The following ZNF37A variants were observed in gnomAD, a reference collection of about 807,000 sequenced individuals.
ZNF37A encodes the protein zinc finger protein 37a (KOX 21).
A neutral mutation model predicts 12.3 loss-of-function variants in ZNF37A; 10 were observed. That is an observed-to-expected ratio of 0.82 (90% CI 0.50 to 1.38). The LOEUF (loss-of-function observed/expected upper bound fraction) is 1.38. Ranked by LOEUF, ZNF37A falls within the 40% of genes most tolerant of loss-of-function variation. ZNF37A has a pLI of 0.00. For synonymous variants in ZNF37A, 207 were observed against 223.0 expected, an observed-to-expected ratio of 0.93 and a Z score of 0.64; for missense variants, 580 against 651.2, an observed-to-expected ratio of 0.89 and a Z score of 1.19.
chr10:38,105,295 G>A (rs117237085), intron 5 of ZNF37A, among the ~76,000 whole-genome samples: 3,308 of 152,148 alleles, frequency 0.022, 133 homozygotes, highest in East Asian at 0.12. Flanking sequence ...GTGAGCCACC[G>A]TGCCCAGCCT....
At chr10:38,137,922 A>G (rs766120661) in intron 7 of ZNF37A, 1 of 152,202 alleles carries the variant, frequency 6.6e-6, no homozygotes, top group Non-Finnish European at 1.5e-5. Context: ...ATCAGTTTTA[A>G]TAGTGAAGCA....
At chr10:38,131,654 C>G (rs745719281) in intron 7 of ZNF37A, among the ~76,000 whole-genome samples, 1 of 151,994 alleles carries the variant, frequency 6.6e-6, no homozygotes, top group Non-Finnish European at 1.5e-5. Flanking sequence ...ATTTGGTGCC[C>G]TCTGTAATTT....
intron 5 of ZNF37A, among the ~76,000 whole-genome samples, chr10:38,102,565 T>TA (rs537762984): frequency 8.6e-5 from 13 of 151,920 alleles, no homozygotes; most frequent in African/African-American, 2.7e-4. Flanking sequence ...TTAAATCACA[T>TA]AAAAAAAAGA....
intron 5 of ZNF37A, among the ~76,000 whole-genome samples, chr10:38,107,718 AAAC>A (rs763279639): frequency 2.0e-5 from 3 of 152,242 alleles, no homozygotes; most frequent in Non-Finnish European, 4.4e-5. Context: ...GTCACTGATA[AAAC>A]AGACTAAACC....
exon 8 of ZNF37A, chr10:38,149,592 T>TTTGA (rs3041912): frequency 6.7e-6 from 1 of 149,192 alleles, no homozygotes; most frequent in Non-Finnish European, 1.5e-5. Flanking sequence ...TTTTTTTTTT[T>TTTGA]GAGAGAGAGT....
chr10:38,128,673 T>A (rs1564384870), downstream of ZNF37A, among the ~76,000 whole-genome samples: 1 of 152,234 alleles, frequency 6.6e-6, no homozygotes, highest in Non-Finnish European at 1.5e-5. Flanking sequence ...TTCTGGAATC[T>A]GAGTCAGAGA....
chr10:38,100,411 C>T (rs1393122605), intron 5 of ZNF37A, among the ~76,000 whole-genome samples: 2 of 152,168 alleles, frequency 1.3e-5, no homozygotes, highest in African/African-American at 2.4e-5. Context: ...GTCTATTTCA[C>T]CCCTACAGCC....
At position 38,106,433 on chromosome 10, in the gene ZNF37A, C is replaced by A. The variant is rs529908144; in HGVS notation, c.16-8322C>A. ...GAAAATTCCAAAAACCAGTACACCT[C>A]TTCTCCTCCAACACACTCCTCCACA... On this transcript the variant is annotated intron_variant, in intron 5 of 7. Transcript: ENST00000685332. 1.2e-4 allele frequency among the ~76,000 whole-genome samples: 19 copies of A among 152,292 alleles called. No individual in the cohort carries two copies. In the East Asian group the frequency reaches 3.7e-3, roughly 29 times the overall value.
At chr10:38,141,406 A>C (rs2070181819) in intron 7 of ZNF37A, 2 of 152,170 alleles carry the variant, frequency 1.3e-5, no homozygotes. Flanking sequence ...TCTTCCCTCA[A>C]ATCCATAATC....
chr10:38,110,198 C>CATCTGATCTTAGACAA (rs1239508098), intron 5 of ZNF37A, among the ~76,000 whole-genome samples: 1 of 152,090 alleles, frequency 6.6e-6, no homozygotes, highest in African/African-American at 2.4e-5. Flanking sequence ...CGTCTACAAC[C>CATCTGATCTTAGACAA]ATCTGATCTT....
chr10:38,149,707 T>C (rs1197388832), exon 8 of ZNF37A: 2 of 151,076 alleles, frequency 1.3e-5, no homozygotes, highest in Admixed American at 6.7e-5. Context: ...CCCGAGTAAA[T>C]GGGACTACAG....
intron 7 of ZNF37A, among the ~76,000 whole-genome samples, chr10:38,136,845 T>G (rs976613453): frequency 6.6e-6 from 1 of 152,204 alleles, no homozygotes; most frequent in African/African-American, 2.4e-5. Flanking sequence ...ATCACTTTTT[T>G]CCTTTCTTTT....
chr10:38,105,616 C>T (rs2067999577), intron 5 of ZNF37A, among the ~76,000 whole-genome samples: 2 of 152,236 alleles, frequency 1.3e-5, no homozygotes, highest in African/African-American at 4.8e-5. Context: ...TTATCCCATT[C>T]ATGAAGGCAG....
chr10:38,106,965 G>C (rs2068153224), intron 5 of ZNF37A, among the ~76,000 whole-genome samples: 1 of 152,164 alleles, frequency 6.6e-6, no homozygotes, highest in Non-Finnish European at 1.5e-5. Flanking sequence ...AACCAGCCTA[G>C]CAAGAGAGGC....
intron 6 of ZNF37A, 123 bp from the exon 7 acceptor site, chr10:38,115,066 AGTGTGT>A (rs56124182): frequency 0.089 from 55,044 of 617,920 alleles, 1,302 homozygotes; most frequent in African/African-American, 0.12. Context: ...GATTAAATGA[AGTGTGT>A]GTGTGTGTGT....
rs1394413286 is a variant in ZNF37A, at chr10:38,121,140, G to A, written c.*2303G>A. On this transcript the variant is annotated 3_prime_UTR_variant, in exon 8 of 8. Transcript: ENST00000685332. ...TACCAGGCTTTTATAAACTTTTCTA[G>A]AAGAAAAAAGATGGAACTTTTCCAA... The A allele has an allele frequency of 6.6e-6, 1 of 150,926 alleles. No individual in the cohort carries two copies. The highest frequency in any genetic ancestry group is 6.6e-5 in the Admixed American group (1 of 15,148). The allele number at this position is 150,926 out of a possible 1,614,324, so 9.3% of individuals were successfully genotyped here. A position where few individuals can be genotyped will look rare whatever the true frequency, so the allele number is the denominator to read the frequency against.
chr10:38,100,074 AG>A (rs1218901770), intron 5 of ZNF37A, among the ~76,000 whole-genome samples: 1 of 152,188 alleles, frequency 6.6e-6, no homozygotes, highest in Non-Finnish European at 1.5e-5. Context: ...ACATGTCGGT[AG>A]GTTCCGTGAT....
intron 5 of ZNF37A, among the ~76,000 whole-genome samples, 173 bp downstream of exon 5, chr10:38,096,805 C>T (rs189585187): frequency 2.0e-5 from 3 of 151,470 alleles, no homozygotes; most frequent in Non-Finnish European, 4.4e-5. Context: ...GGTCCACAAA[C>T]GAAGGATGGT....
At chr10:38,100,996 C>T (rs2067520912) in intron 5 of ZNF37A, among the ~76,000 whole-genome samples, 1 of 152,196 alleles carries the variant, frequency 6.6e-6, no homozygotes, top group Admixed American at 6.5e-5. Flanking sequence ...CTTCCTGCAA[C>T]AAAATGTCTG....
Sources: gnomAD v4.1 joint callset for allele counts (sites outside exome capture counted in the v4.1 genomes callset) on GRCh38, gnomAD v4.1.1 for gene constraint, MANE v1.5 for transcripts, NCBI Gene and HGNC (gene_info 2026-07-23, HGNC 2026-07-21) for gene names.